RALYL: variants seen among roughly 807,000 people sequenced by gnomAD.
RALYL encodes RNA-binding Raly-like protein.
A neutral mutation model predicts 35.1 loss-of-function variants in RALYL; 29 were observed. The ratio of observed to expected loss-of-function variants is 0.83; its 90% CI spans 0.61 to 1.13. RALYL has a LOEUF of 1.13. Ranked by LOEUF, RALYL falls within the 50% of genes most tolerant of loss-of-function variation. RALYL has a pLI of 0.00. For missense variants in RALYL, 359 were observed against 360.4 expected, an observed-to-expected ratio of 1.00 and a Z score of 0.03; for synonymous variants, 120 against 127.6, an observed-to-expected ratio of 0.94 and a Z score of 0.40.
intron 1 of RALYL, among the ~76,000 whole-genome samples, chr8:84,255,679 C>T (rs993632412): frequency 8.6e-5 from 13 of 151,860 alleles, no homozygotes; most frequent in African/African-American, 2.9e-4. Flanking sequence ...CAAACATTGC[C>T]GCAGAATAAA....
At chr8:84,552,924 A>G (rs1162463508) in intron 2 of RALYL, among the ~76,000 whole-genome samples, 1 of 152,170 alleles carries the variant, frequency 6.6e-6, no homozygotes, top group Non-Finnish European at 1.5e-5. Flanking sequence ...AGTCAATAAC[A>G]TGATTAAAGA....
intron 1 of RALYL, among the ~76,000 whole-genome samples, chr8:84,204,481 C>T (rs2131056550): frequency 6.6e-6 from 1 of 152,266 alleles, no homozygotes; most frequent in Admixed American, 6.5e-5. Flanking sequence ...CTGTGCATGT[C>T]ATTACTGCCT....
intron 1 of RALYL, among the ~76,000 whole-genome samples, chr8:84,379,279 G>A (rs1023472074): frequency 3.3e-5 from 5 of 151,802 alleles, no homozygotes; most frequent in Non-Finnish European, 7.4e-5. Context: ...ATCAATAATA[G>A]CAGTGGCAAG....
chr8:84,572,881 C>A (rs1024868638), intron 2 of RALYL, among the ~76,000 whole-genome samples: 1 of 151,412 alleles, frequency 6.6e-6, no homozygotes, highest in African/African-American at 2.4e-5. Flanking sequence ...TTTTCCCAAT[C>A]TTCTCAATAA....
At chr8:84,433,461 C>T (rs1195701530) in intron 1 of RALYL, among the ~76,000 whole-genome samples, 1 of 152,002 alleles carries the variant, frequency 6.6e-6, no homozygotes, top group Non-Finnish European at 1.5e-5. Flanking sequence ...TTGGCTGTGT[C>T]CCCACCCAAA....
chr8:84,534,116 C>T (rs1206001490), intron 2 of RALYL, among the ~76,000 whole-genome samples: 1 of 152,232 alleles, frequency 6.6e-6, no homozygotes, highest in Non-Finnish European at 1.5e-5. Flanking sequence ...TCTTTGTCAC[C>T]TGCAGACTCA....
chr8:84,695,318 A>C (rs1158940160), intron 2 of RALYL, among the ~76,000 whole-genome samples: 1 of 151,796 alleles, frequency 6.6e-6, no homozygotes, highest in East Asian at 1.9e-4. Flanking sequence ...TAAGTAATTT[A>C]TTCTGCTTCT....
chr8:84,454,679 A>G (rs746780528), intron 1 of RALYL, among the ~76,000 whole-genome samples: 2 of 152,034 alleles, frequency 1.3e-5, no homozygotes, highest in Non-Finnish European at 2.9e-5. Context: ...AAAACATTTC[A>G]TACATCTACT....
At chr8:84,333,976 TC>T (rs1421878406) in intron 1 of RALYL, among the ~76,000 whole-genome samples, 1 of 152,130 alleles carries the variant, frequency 6.6e-6, no homozygotes, top group Non-Finnish European at 1.5e-5. Context: ...AACCTCCATC[TC>T]CTGGGATCAA....
At position 84,524,678 on chromosome 8, in the gene RALYL, T is replaced by C. The variant is rs183078852; in HGVS notation, c.-23-4621T>C. Among the ~76,000 whole-genome samples, 474 of 151,928 alleles carry C rather than the reference T, an allele frequency of 3.1e-3. 2 individuals carry two copies. Among genetic ancestry groups the C allele is most frequent in the Non-Finnish European group, 4.9e-3 (334 of 67,850 alleles). ...TAATTTATAATAAATGTATCATATA[T>C]GGATCCAAAGGTAAAAATCTCTCTC... On this transcript the variant is annotated intron_variant, in intron 1 of 8. Transcript: ENST00000521268.
intron 2 of RALYL, among the ~76,000 whole-genome samples, chr8:84,583,554 T>C (rs1811323416): frequency 1.3e-5 from 2 of 152,118 alleles, no homozygotes. Flanking sequence ...TGACTAAGAT[T>C]TCTAGAAGTC....
At chr8:84,420,467 T>G (rs1258795076) in intron 1 of RALYL, among the ~76,000 whole-genome samples, 3 of 151,118 alleles carry the variant, frequency 2.0e-5, no homozygotes, top group Non-Finnish European at 4.4e-5. Flanking sequence ...GATGAGTTGG[T>G]TGCAAAAATT....
At chr8:84,660,204 A>G (rs1364275783) in intron 2 of RALYL, among the ~76,000 whole-genome samples, 2 of 152,166 alleles carry the variant, frequency 1.3e-5, no homozygotes, top group Non-Finnish European at 2.9e-5. Context: ...AAATTTATGT[A>G]CATAAAGTTG....
intron 2 of RALYL, among the ~76,000 whole-genome samples, chr8:84,714,680 G>C (rs1415550795): frequency 6.6e-6 from 1 of 151,838 alleles, no homozygotes; most frequent in Non-Finnish European, 1.5e-5. Flanking sequence ...TAAAAACCAT[G>C]ATCTGTCATA....
At chr8:84,896,864 T>TAG (rs1844841714) in intron 8 of RALYL, among the ~76,000 whole-genome samples, 1 of 152,208 alleles carries the variant, frequency 6.6e-6, no homozygotes, top group Admixed American at 6.5e-5. Flanking sequence ...TGGAGTCAGA[T>TAG]AGAGATAGGG....
Position 84,496,712 on chromosome 8 carries a change from ACTAT to A in RALYL, c.-23-32578_-23-32575del, listed in dbSNP as rs746604445. ...TGTATCTATCATCTATCTATCATCA[ACTAT>A]CTATCTATTACATATAAGTTATGTA... On this transcript the variant is annotated intron_variant, in intron 1 of 8. Coordinates refer to ENST00000521268, the MANE Select transcript of RALYL (RefSeq NM_173848.7). Among the ~76,000 whole-genome samples the A allele has an allele frequency of 2.7e-4, 41 of 152,236 alleles. 1 individual carries two copies. The highest frequency in any genetic ancestry group is 1.3e-3 in the Admixed American group (20 of 15,272).
At chr8:84,252,578 G>A (rs1475288824) in intron 1 of RALYL, among the ~76,000 whole-genome samples, 1 of 152,062 alleles carries the variant, frequency 6.6e-6, no homozygotes, top group Non-Finnish European at 1.5e-5. Context: ...AAAAAGAAAT[G>A]ACAACAGGCC....
chr8:84,403,573 T>C (rs893480834), intron 1 of RALYL, among the ~76,000 whole-genome samples: 2 of 148,564 alleles, frequency 1.3e-5, no homozygotes, highest in African/African-American at 5.0e-5. Flanking sequence ...CCATGCTGTT[T>C]TGGTTACTGT....
intron 1 of RALYL, among the ~76,000 whole-genome samples, chr8:84,261,534 C>T (rs1832307304): frequency 1.3e-5 from 2 of 152,174 alleles, no homozygotes; most frequent in Admixed American, 1.3e-4. Flanking sequence ...GCCTCCCCAG[C>T]CCTGCAAAAC....
Sources: allele counts gnomAD v4.1 joint callset (sites outside exome capture counted in the v4.1 genomes callset), GRCh38; gene constraint gnomAD v4.1.1; transcripts MANE v1.5; gene names NCBI Gene and HGNC (gene_info 2026-07-23, HGNC 2026-07-21).